Variants in CADM1 observed in about 807,000 individuals in gnomAD.
CADM1 encodes cell adhesion molecule 1, also known as TSLC-1.
CADM1 carries 15 observed loss-of-function variants against 53.1 expected under a neutral mutation model. The observed-to-expected ratio is 0.28, with a 90% CI of 0.19 to 0.44. The LOEUF (loss-of-function observed/expected upper bound fraction) is 0.44, where lower values mean the gene tolerates loss of function less well. Ranked by LOEUF, CADM1 falls within the 20% of genes least tolerant of loss-of-function variation. The pLI is 1.00. For synonymous variants in CADM1, 281 were observed against 243.0 expected, an observed-to-expected ratio of 1.16 and a Z score of -1.45; for missense variants, 434 against 611.3, an observed-to-expected ratio of 0.71 and a Z score of 3.06.
intron 1 of CADM1, among the ~76,000 whole-genome samples, chr11:115,322,008 A>G (rs181572325): frequency 1.4e-4 from 21 of 152,166 alleles, no homozygotes; most frequent in African/African-American, 4.1e-4. Context: ...CCAACCTATC[A>G]CTCAAAAGAA....
At chr11:115,465,916 A>C (rs1444601569) in intron 1 of CADM1, among the ~76,000 whole-genome samples, 1 of 152,200 alleles carries the variant, frequency 6.6e-6, no homozygotes, top group Non-Finnish European at 1.5e-5. Flanking sequence ...TTCTGCTAAA[A>C]TGGATAACAA....
At position 115,361,462 on chromosome 11, in the gene CADM1, A is replaced by G. The variant is rs76360660; in HGVS notation, c.125-121042T>C. ...GTCCCACAGTAGATCCAGCACTGTG[A>G]CTGCTGGATAAAATTGAGTGACTTG... On this transcript the variant is annotated intron_variant, in intron 1 of 11. Coordinates refer to ENST00000331581, the MANE Select transcript of CADM1 (RefSeq NM_001301043.2). Among the ~76,000 whole-genome samples the G allele has an allele frequency of 6.4e-3, 973 of 152,296 alleles. 6 individuals are homozygous for G. Among genetic ancestry groups the G allele is most frequent in the African/African-American group, 0.022 (919 of 41,552 alleles).
intron 10 of CADM1, among the ~76,000 whole-genome samples, chr11:115,185,353 C>A (rs572386947): frequency 6.3e-4 from 96 of 152,268 alleles, no homozygotes; most frequent in African/African-American, 2.3e-3. Flanking sequence ...TCACCAAGTT[C>A]TTTTCATTTA....
intron 1 of CADM1, among the ~76,000 whole-genome samples, chr11:115,489,593 G>A (rs779976811): frequency 5.3e-5 from 8 of 152,172 alleles, no homozygotes; most frequent in Non-Finnish European, 8.8e-5. Context: ...ACATATACAT[G>A]GGATTTAAAT....
chr11:115,267,140 G>T (rs1458466629), intron 1 of CADM1, among the ~76,000 whole-genome samples: 1 of 152,234 alleles, frequency 6.6e-6, no homozygotes, highest in Non-Finnish European at 1.5e-5. Flanking sequence ...AAGCTGCCAT[G>T]CACTGAGGTG....
intron 1 of CADM1, among the ~76,000 whole-genome samples, chr11:115,369,134 T>C (rs1237062496): frequency 6.6e-6 from 1 of 150,568 alleles, no homozygotes; most frequent in Non-Finnish European, 1.5e-5. Flanking sequence ...CAGGGAATCA[T>C]TGTAAGTAGC....
At chr11:115,334,198 G>A (rs1036344832) in intron 1 of CADM1, among the ~76,000 whole-genome samples, 1 of 152,120 alleles carries the variant, frequency 6.6e-6, no homozygotes, top group South Asian at 2.1e-4. Flanking sequence ...ACATCACACA[G>A]AACTACAGTG....
At chr11:115,261,230 A>G (rs751635190) in intron 1 of CADM1, among the ~76,000 whole-genome samples, 12 of 152,216 alleles carry the variant, frequency 7.9e-5, no homozygotes, top group Non-Finnish European at 1.3e-4. Context: ...TAATGCTAAC[A>G]TGAAATTATT....
intron 1 of CADM1, among the ~76,000 whole-genome samples, chr11:115,447,694 G>A (rs908509852): frequency 1.3e-5 from 2 of 152,100 alleles, no homozygotes; most frequent in East Asian, 1.9e-4. Flanking sequence ...AGGAGCAAAC[G>A]GTGGCTGGTA....
intron 1 of CADM1, among the ~76,000 whole-genome samples, chr11:115,471,329 A>C (rs2135391632): frequency 6.6e-6 from 1 of 152,334 alleles, no homozygotes; most frequent in Non-Finnish European, 1.5e-5. Context: ...CAGAATATAA[A>C]CCAAGCACCT....
intron 1 of CADM1, among the ~76,000 whole-genome samples, chr11:115,396,307 A>G (rs1390397257): frequency 1.3e-5 from 2 of 152,216 alleles, no homozygotes; most frequent in Non-Finnish European, 2.9e-5. Context: ...CAAGAAAACC[A>G]GAAAAAATGG....
chr11:115,493,224 C>T (rs991168136), intron 1 of CADM1, among the ~76,000 whole-genome samples: 3 of 150,772 alleles, frequency 2.0e-5, no homozygotes, highest in Non-Finnish European at 4.4e-5. Context: ...GGGGTTCCCA[C>T]TGGCCAAATC....
At chr11:115,490,646 C>T (rs1056699832) in intron 1 of CADM1, among the ~76,000 whole-genome samples, 42 of 152,158 alleles carry the variant, frequency 2.8e-4, no homozygotes, top group African/African-American at 9.7e-4. Flanking sequence ...GATCCGCCCA[C>T]CTGGGCCTCC....
Position 115,434,797 on chromosome 11 carries a change from C to T in CADM1, c.124+69474G>A, listed in dbSNP as rs189719129. 6.6e-4 allele frequency among the ~76,000 whole-genome samples: 100 copies of T among 151,722 alleles called. 1 individual carries two copies. The highest frequency in any genetic ancestry group is 3.4e-3 in the Middle Eastern group (1 of 292). ...AACTATACTCTCTGTAGGAGTTTTC[C>T]TGGAGAGTTGAATTCTGACAATTGT... On this transcript the variant is annotated intron_variant, in intron 1 of 11. Transcript: ENST00000331581.
chr11:115,245,957 T>C (rs1411341445), intron 1 of CADM1, among the ~76,000 whole-genome samples: 2 of 152,238 alleles, frequency 1.3e-5, no homozygotes, highest in African/African-American at 2.4e-5. Context: ...GTAAAAGTAA[T>C]TTGAAAATAA....
chr11:115,351,810 G>C (rs1180446828), intron 1 of CADM1, among the ~76,000 whole-genome samples: 1 of 152,102 alleles, frequency 6.6e-6, no homozygotes, highest in Admixed American at 6.5e-5. Context: ...CTCTGGAATT[G>C]GACGGCCTCT....
At chr11:115,439,595 T>A (rs550554770) in intron 1 of CADM1, among the ~76,000 whole-genome samples, 1 of 152,172 alleles carries the variant, frequency 6.6e-6, no homozygotes, top group Non-Finnish European at 1.5e-5. Context: ...TTTGCAGAGA[T>A]GTCCACATGC....
intron 1 of CADM1, among the ~76,000 whole-genome samples, chr11:115,409,368 G>A (rs759390027): frequency 2.6e-5 from 4 of 152,140 alleles, no homozygotes; most frequent in Non-Finnish European, 5.9e-5. Context: ...GATTTCTTAA[G>A]AATTCCCGTT....
At chr11:115,457,372 A>G (rs1213747415) in intron 1 of CADM1, among the ~76,000 whole-genome samples, 2 of 152,220 alleles carry the variant, frequency 1.3e-5, no homozygotes, top group African/African-American at 4.8e-5. Flanking sequence ...ATTTGGATAC[A>G]ATCTAAAATT....
Sources: allele counts gnomAD v4.1 joint callset (sites outside exome capture counted in the v4.1 genomes callset), GRCh38; gene constraint gnomAD v4.1.1; transcripts MANE v1.5; gene names NCBI Gene and HGNC (gene_info 2026-07-23, HGNC 2026-07-21).